The following TMEM132B variants were observed in gnomAD, a reference collection of about 807,000 sequenced individuals.
TMEM132B encodes the protein transmembrane protein 132B.
In TMEM132B, 18 loss-of-function variants were observed where a neutral mutation model predicts 90.8. The observed-to-expected ratio is 0.20, with a 90% confidence interval of 0.14 to 0.29. The LOEUF (loss-of-function observed/expected upper bound fraction) is 0.29. Ranked by LOEUF, TMEM132B falls within the 10% of genes least tolerant of loss-of-function variation. The pLI is 1.00. For synonymous variants in TMEM132B, 504 were observed against 523.3 expected (o/e 0.96, Z 0.50); for missense variants, 1,096 against 1,326.8 (o/e 0.83, Z 2.70).
chr12:125,454,808 C>G (rs1399446689), intron 3 of TMEM132B, among the ~76,000 whole-genome samples: 1 of 152,156 alleles, frequency 6.6e-6, no homozygotes, highest in Non-Finnish European at 1.5e-5. Flanking sequence ...TGTTTATTTT[C>G]AATCATGATA....
At chr12:125,220,965 C>T (rs1434401991) in intron 1 of TMEM132B, among the ~76,000 whole-genome samples, 1 of 152,228 alleles carries the variant, frequency 6.6e-6, no homozygotes, top group Admixed American at 6.5e-5. Context: ...GGCCTTTGCA[C>T]GTGCAATTCT....
At chr12:125,238,870 G>GC (rs1874001100) in intron 1 of TMEM132B, among the ~76,000 whole-genome samples, 1 of 152,188 alleles carries the variant, frequency 6.6e-6, no homozygotes, top group Non-Finnish European at 1.5e-5. Flanking sequence ...TGAAGGAGAT[G>GC]CATTCATTCC....
At chr12:125,233,889 G>A (rs577561374) in intron 1 of TMEM132B, among the ~76,000 whole-genome samples, 1 of 152,308 alleles carries the variant, frequency 6.6e-6, no homozygotes, top group African/African-American at 2.4e-5. Context: ...TCCTGGCATG[G>A]TGCTGGCCCA....
At chr12:125,393,036 G>A (rs1219890311) in intron 2 of TMEM132B, among the ~76,000 whole-genome samples, 4 of 152,164 alleles carry the variant, frequency 2.6e-5, no homozygotes, top group South Asian at 2.1e-4. Context: ...ACTGGAGACC[G>A]TTTGCGACTA....
intron 3 of TMEM132B, among the ~76,000 whole-genome samples, chr12:125,437,233 G>A (rs560811560): frequency 2.0e-5 from 3 of 152,318 alleles, no homozygotes; most frequent in South Asian, 4.1e-4. Context: ...TGGCCTGCTC[G>A]TGGTGTGAAC....
chr12:125,316,653 T>G (rs1365119458), intron 1 of TMEM132B, among the ~76,000 whole-genome samples: 2 of 92,758 alleles, frequency 2.2e-5, no homozygotes, highest in Admixed American at 1.1e-4. Context: ...GGACTGACTA[T>G]ATAAAGACCT....
intron 2 of TMEM132B, among the ~76,000 whole-genome samples, chr12:125,405,272 G>GCT (rs373689662): frequency 1.3e-5 from 2 of 151,144 alleles, no homozygotes; most frequent in South Asian, 2.1e-4. Flanking sequence ...CATAACTCCA[G>GCT]CTCTCTCTCT....
At chr12:125,569,670 A>G (rs1884743403) in intron 4 of TMEM132B, among the ~76,000 whole-genome samples, 1 of 152,130 alleles carries the variant, frequency 6.6e-6, no homozygotes, top group African/African-American at 2.4e-5. Context: ...AATGTTGAGG[A>G]CACATCCTGG....
intron 3 of TMEM132B, among the ~76,000 whole-genome samples, chr12:125,477,634 G>C (rs1293721542): frequency 6.6e-6 from 1 of 152,058 alleles, no homozygotes; most frequent in Non-Finnish European, 1.5e-5. Flanking sequence ...AGGTCTTGGG[G>C]TAAAGTTCAA....
At chr12:125,416,022 C>T (rs1209800707) in intron 3 of TMEM132B, among the ~76,000 whole-genome samples, 1 of 152,052 alleles carries the variant, frequency 6.6e-6, no homozygotes, top group Non-Finnish European at 1.5e-5. Flanking sequence ...GACATTCGTC[C>T]CTTAGTGCTT....
chr12:125,288,116 C>T (rs967995143), intron 1 of TMEM132B, among the ~76,000 whole-genome samples: 4 of 150,608 alleles, frequency 2.7e-5, no homozygotes, highest in East Asian at 2.0e-4. Context: ...TCAGGTGATC[C>T]GCCAGCCTTG....
At chr12:125,237,742 C>T (rs534915396) in intron 1 of TMEM132B, among the ~76,000 whole-genome samples, 45 of 152,350 alleles carry the variant, frequency 3.0e-4, no homozygotes, top group African/African-American at 9.6e-4. Flanking sequence ...AGCCACCATG[C>T]CCGGCCACGT....
chr12:125,516,721 C>T (rs1487375443), intron 3 of TMEM132B, among the ~76,000 whole-genome samples: 1 of 152,206 alleles, frequency 6.6e-6, no homozygotes, highest in African/African-American at 2.4e-5. Context: ...GAGCTCATTT[C>T]TCCTCTCACT....
chr12:125,522,750 G>A (rs555920192), intron 4 of TMEM132B, among the ~76,000 whole-genome samples: 3 of 152,368 alleles, frequency 2.0e-5, no homozygotes, highest in African/African-American at 4.8e-5. Context: ...GAGAAGGTCT[G>A]TGCATGGCAG....
intron 3 of TMEM132B, among the ~76,000 whole-genome samples, chr12:125,485,753 T>C (rs1202217793): frequency 1.3e-5 from 2 of 152,196 alleles, no homozygotes; most frequent in Admixed American, 1.3e-4. Flanking sequence ...TTCACTGTGA[T>C]GGGTTAGGCA....
intron 4 of TMEM132B, among the ~76,000 whole-genome samples, chr12:125,551,642 T>C (rs1232982483): frequency 1.3e-5 from 2 of 149,164 alleles, no homozygotes; most frequent in East Asian, 4.0e-4. Context: ...TAACCTTTTC[T>C]CTTTTCATTT....
rs377458744 is a variant in TMEM132B at position 125,490,708 on chromosome 12, C to T, written c.1107-28731C>T. Among the ~76,000 whole-genome samples, 373 of 152,222 alleles carry T rather than the reference C, an allele frequency of 2.5e-3. 7 individuals carry two copies. Among genetic ancestry groups the T allele is most frequent in the African/African-American group, 8.4e-3 (349 of 41,530 alleles). On this transcript the variant is annotated intron_variant, in intron 3 of 8. Transcript: ENST00000682704. This position sits in a 1 kb window ranked among gnomAD's most constrained non-coding sequence, Gnocchi z 4.2. Reference sequence around the variant, plus strand: ...GTCTCGATCTCCTGACCTCGTGATCCGCCCGTCTTGGCCTCCCAAAGTGCT... The same window carrying T: ...GTCTCGATCTCCTGACCTCGTGATCTGCCCGTCTTGGCCTCCCAAAGTGCT...
chr12:125,402,378 CAG>C (rs1187280488), intron 2 of TMEM132B, among the ~76,000 whole-genome samples: 6 of 152,120 alleles, frequency 3.9e-5, no homozygotes, highest in Non-Finnish European at 8.8e-5. Context: ...TTAGTAGAGA[CAG>C]GGGCCAGGCT....
chr12:125,405,892 G>A (rs1879459005), intron 2 of TMEM132B, among the ~76,000 whole-genome samples: 1 of 152,188 alleles, frequency 6.6e-6, no homozygotes, highest in Admixed American at 6.5e-5. Flanking sequence ...ATTCCTGAGT[G>A]GCGCTAGGAT....
Sources: gnomAD v4.1 joint callset for allele counts (sites outside exome capture counted in the v4.1 genomes callset) on GRCh38, gnomAD v4.1.1 for gene constraint, Gnocchi (gnomAD v3.1) non-coding constraint, MANE v1.5 for transcripts, NCBI Gene and HGNC (gene_info 2026-07-23, HGNC 2026-07-21) for gene names.